Variants in RIMS2 observed in about 807,000 individuals in gnomAD.
RIMS2 encodes regulating synaptic membrane exocytosis 2.
RIMS2 carries 59 observed loss-of-function variants against 174.4 expected under a neutral mutation model. The ratio of observed to expected loss-of-function variants is 0.34; its 90% CI spans 0.27 to 0.42. RIMS2 has a LOEUF of 0.42. RIMS2 is among the 10% of genes least tolerant of loss of function. RIMS2 has a pLI of 1.00. For missense variants in RIMS2, 1,620 were observed against 1,666.3 expected (o/e 0.97, Z 0.48); for synonymous variants, 606 against 572.5 (o/e 1.06, Z -0.84).
At chr8:103,591,180 G>A (rs1309889333) in intron 1 of RIMS2, among the ~76,000 whole-genome samples, 1 of 151,020 alleles carries the variant, frequency 6.6e-6, no homozygotes, top group Non-Finnish European at 1.5e-5. Flanking sequence ...GCTTTTCCAT[G>A]TGCTTATTGA....
intron 1 of RIMS2, among the ~76,000 whole-genome samples, chr8:103,512,513 A>C (rs1827032627): frequency 6.6e-6 from 1 of 152,182 alleles, no homozygotes; most frequent in African/African-American, 2.4e-5. Flanking sequence ...CATTCTGAGC[A>C]GCTGAAAAGG....
intron 19 of RIMS2, among the ~76,000 whole-genome samples, chr8:104,100,976 AT>A (rs2097874349): frequency 2.2e-5 from 3 of 138,950 alleles, no homozygotes; most frequent in Admixed American, 7.5e-5. Context: ...TATAGTATAT[AT>A]GATATATTAT....
At chr8:104,194,430 C>T (rs1411539029) in intron 19 of RIMS2, among the ~76,000 whole-genome samples, 2 of 152,048 alleles carry the variant, frequency 1.3e-5, no homozygotes, top group Admixed American at 6.6e-5. Flanking sequence ...TAAATAAAGA[C>T]TGAATGTAAA....
intron 4 of RIMS2, among the ~76,000 whole-genome samples, chr8:103,909,564 A>G (rs2075231373): frequency 6.6e-6 from 1 of 152,166 alleles, no homozygotes; most frequent in Non-Finnish European, 1.5e-5. Flanking sequence ...TTTCATACAA[A>G]TTAATCTTTT....
chr8:103,802,309 G>A (rs2154455760), intron 3 of RIMS2, among the ~76,000 whole-genome samples: 1 of 152,240 alleles, frequency 6.6e-6, no homozygotes, highest in African/African-American at 2.4e-5. Flanking sequence ...CTTTTTCACA[G>A]ATATTTTACA....
At chr8:103,846,946 TCCAGTGGCTAA>T (rs1251141045) in intron 3 of RIMS2, among the ~76,000 whole-genome samples, 2 of 152,126 alleles carry the variant, frequency 1.3e-5, no homozygotes, top group Non-Finnish European at 2.9e-5. Flanking sequence ...AACGAGTCAC[TCCAGTGGCTAA>T]CCTGAATGTC....
chr8:103,577,840 G>A (rs1365274612), intron 1 of RIMS2, among the ~76,000 whole-genome samples: 1 of 152,068 alleles, frequency 6.6e-6, no homozygotes, highest in Non-Finnish European at 1.5e-5. Context: ...GCTCTCAATA[G>A]CAAAATGGAT....
chr8:103,738,080 A>G (rs1002914095), intron 2 of RIMS2, among the ~76,000 whole-genome samples: 7 of 152,158 alleles, frequency 4.6e-5, no homozygotes, highest in Non-Finnish European at 8.8e-5. Context: ...GTACACAGTA[A>G]TATGTGTTCA....
chr8:103,556,534 G>A (rs970928895), intron 1 of RIMS2, among the ~76,000 whole-genome samples: 3 of 152,136 alleles, frequency 2.0e-5, no homozygotes, highest in Non-Finnish European at 4.4e-5. Context: ...GACATTCAGA[G>A]TTATACTGGG....
intron 19 of RIMS2, among the ~76,000 whole-genome samples, chr8:104,192,063 A>G (rs150310480): frequency 4.2e-4 from 64 of 152,324 alleles, no homozygotes; most frequent in African/African-American, 1.4e-3. Context: ...TGGTTTTACT[A>G]TAAAGAGAAG....
At chr8:104,023,733 A>G (rs532680178) in intron 19 of RIMS2, among the ~76,000 whole-genome samples, 2 of 152,214 alleles carry the variant, frequency 1.3e-5, no homozygotes, top group South Asian at 4.1e-4. Context: ...TAAATCTGGG[A>G]CTCATCCTTA....
chr8:104,003,755 G>A (rs2095475357), intron 17 of RIMS2, among the ~76,000 whole-genome samples: 1 of 151,990 alleles, frequency 6.6e-6, no homozygotes, highest in African/African-American at 2.4e-5. Context: ...AAGGAACTTA[G>A]ATCAAAGACT....
At chr8:104,099,634 G>A (rs1047651568) in intron 19 of RIMS2, among the ~76,000 whole-genome samples, 11 of 152,018 alleles carry the variant, frequency 7.2e-5, no homozygotes, top group African/African-American at 2.4e-4. Flanking sequence ...AGTTCAGCTT[G>A]TCAATTCAGG....
chr8:103,606,953 C>G (rs1382644349), intron 1 of RIMS2, among the ~76,000 whole-genome samples: 2 of 152,120 alleles, frequency 1.3e-5, no homozygotes, highest in South Asian at 2.1e-4. Context: ...GACTCTTTAT[C>G]CAATTTGCCA....
intron 1 of RIMS2, among the ~76,000 whole-genome samples, chr8:103,602,629 A>T (rs1163571997): frequency 1.3e-5 from 2 of 152,170 alleles, no homozygotes; most frequent in Non-Finnish European, 2.9e-5. Context: ...GCTGCAAAGG[A>T]TGTGAACTCC....
At chr8:104,057,063 C>CTTTTTTTTTTTTTTTTTTT (rs749665730) in intron 19 of RIMS2, among the ~76,000 whole-genome samples, 2 of 135,418 alleles carry the variant, frequency 1.5e-5, no homozygotes, top group Non-Finnish European at 3.2e-5. Flanking sequence ...TTTTCTTTTT[C>CTTTTTTTTTTTTTTTTTTT]TTTTTTTTTT....
At chr8:104,057,486 T>C (rs13252772) in intron 19 of RIMS2, among the ~76,000 whole-genome samples, 37,505 of 152,008 alleles carry the variant, frequency 0.25, 4,895 homozygotes, top group South Asian at 0.35. Context: ...CAAACACATA[T>C]TATTTTCTTA....
chr8:103,577,014 G>A (rs542886030), intron 1 of RIMS2, among the ~76,000 whole-genome samples: 7 of 152,222 alleles, frequency 4.6e-5, no homozygotes, highest in South Asian at 2.1e-4. Flanking sequence ...CATAGGCATG[G>A]GCAAAGACTT....
chr8:103,530,878 T>G (rs1054879717), intron 1 of RIMS2, among the ~76,000 whole-genome samples: 1 of 152,036 alleles, frequency 6.6e-6, no homozygotes, highest in Admixed American at 6.6e-5. Context: ...TATTTCTTGC[T>G]TTGAAGTGCT....
Sources: allele counts gnomAD v4.1 joint callset (sites outside exome capture counted in the v4.1 genomes callset), GRCh38; gene constraint gnomAD v4.1.1; transcripts MANE v1.5; gene names NCBI Gene and HGNC (gene_info 2026-07-23, HGNC 2026-07-21).